The following SKAP1 variants were observed in gnomAD, a reference collection of about 807,000 sequenced individuals.
SKAP1 encodes the protein src kinase-associated phosphoprotein 1.
A neutral mutation model predicts 58.5 loss-of-function variants in SKAP1; 44 were observed. The ratio of observed to expected loss-of-function variants is 0.75; its 90% confidence interval spans 0.59 to 0.97. The LOEUF (loss-of-function observed/expected upper bound fraction) is 0.97. Among genes scored for constraint, SKAP1 ranks in the 50% least tolerant of loss-of-function variants. The pLI is 0.00. For synonymous variants in SKAP1, 127 were observed against 149.7 expected, an observed-to-expected ratio of 0.85 and a Z score of 1.11; for missense variants, 390 against 435.2, an observed-to-expected ratio of 0.90 and a Z score of 0.92.
chr17:48,443,607 C>T, the SKAP1 span, among the ~76,000 whole-genome samples: 1 of 152,122 alleles, frequency 6.6e-6, no homozygotes, highest in East Asian at 1.9e-4. Context: ...TTCCGAATAG[C>T]TGAGATTACA....
chr17:48,430,313 G>C (rs1183947024), upstream of SKAP1: 1 of 293,626 alleles, frequency 3.4e-6, no homozygotes, highest in Admixed American at 5.3e-5. Context: ...GCGGGGACCG[G>C]AACGGGGCGC....
At chr17:48,403,771 T>C (rs1181751033) in intron 1 of SKAP1, among the ~76,000 whole-genome samples, 1 of 152,026 alleles carries the variant, frequency 6.6e-6, no homozygotes. Context: ...TGGTGATAAA[T>C]GTCAAACTGC....
At position 48,189,425 on chromosome 17, in the gene SKAP1, T is replaced by C. The variant is rs1256487188; in HGVS notation, c.356A>G (p.Lys119Arg). 6.2e-7 allele frequency: 1 copy of C among 1,611,750 alleles called. No individual in the cohort carries two copies. Among genetic ancestry groups the C allele is most frequent in the Admixed American group, 1.7e-5 (1 of 59,868 alleles). Reference sequence around the variant, plus strand: ...AAATCTGTGGGTCTGACCAATACCTTTGCTTTTCTTCTCCAAGTATCCTTG... The same window carrying C: ...AAATCTGTGGGTCTGACCAATACCTCTGCTTTTCTTCTCCAAGTATCCTTG... ...IKQGYLEKKS[K>R]DHSFFGSEWQ... Residue 119 changes from lysine (K) to arginine (R), a missense_variant and splice_region_variant, in exon 5 of 13, where the codon AAA becomes AGA. Coordinates refer to ENST00000336915, the MANE Select transcript of SKAP1 (RefSeq NM_003726.4).
At chr17:48,401,616 T>A (rs1213740187) in intron 1 of SKAP1, among the ~76,000 whole-genome samples, 2 of 151,592 alleles carry the variant, frequency 1.3e-5, no homozygotes, top group East Asian at 1.9e-4. Context: ...TATAAAAAAA[T>A]TAACTAAAAA....
intron 6 of SKAP1, chr17:48,185,212 T>C: frequency 5.1e-6 from 1 of 194,830 alleles, no homozygotes; most frequent in East Asian, 1.7e-4. Flanking sequence ...AACATTATTA[T>C]CAGGGCCAGC....
At chr17:48,192,432 C>T (rs1352323639) in intron 4 of SKAP1, among the ~76,000 whole-genome samples, 2 of 151,998 alleles carry the variant, frequency 1.3e-5, no homozygotes, top group East Asian at 1.9e-4. Context: ...AATTTAAATG[C>T]CATTTTATGG....
intron 2 of SKAP1, among the ~76,000 whole-genome samples, chr17:48,380,762 T>C (rs1421057621): frequency 6.6e-6 from 1 of 152,250 alleles, no homozygotes; most frequent in East Asian, 1.9e-4. Context: ...TCCAGTTGTT[T>C]GGACCTTGGA....
chr17:48,228,940 A>G (rs1233891304), intron 4 of SKAP1, among the ~76,000 whole-genome samples: 2 of 152,142 alleles, frequency 1.3e-5, no homozygotes, highest in Admixed American at 6.5e-5. Flanking sequence ...GTGGGGTAAG[A>G]GCTGGGGCAG....
intron 4 of SKAP1, among the ~76,000 whole-genome samples, chr17:48,258,520 C>A (rs1408936529): frequency 6.6e-6 from 1 of 152,036 alleles, no homozygotes; most frequent in Admixed American, 6.6e-5. Context: ...TGCATGTTAA[C>A]AAGATTTATA....
intron 1 of SKAP1, among the ~76,000 whole-genome samples, chr17:48,399,257 T>C (rs2067463456): frequency 6.6e-6 from 1 of 151,924 alleles, no homozygotes; most frequent in South Asian, 2.1e-4. Flanking sequence ...CAAAAATAAA[T>C]GACATCTAAG....
intron 1 of SKAP1, among the ~76,000 whole-genome samples, chr17:48,420,360 AG>A (rs1598683986): frequency 1.3e-5 from 2 of 152,234 alleles, no homozygotes; most frequent in African/African-American, 4.8e-5. Context: ...TCTTAGGGAA[AG>A]AACTGTCATT....
chr17:48,395,325 T>G (rs1347998886), intron 2 of SKAP1, among the ~76,000 whole-genome samples: 3 of 152,212 alleles, frequency 2.0e-5, no homozygotes, highest in African/African-American at 4.8e-5. Flanking sequence ...CATTGTGTAT[T>G]TGTACCCACA....
At chr17:48,351,892 A>G (rs571060851) in intron 3 of SKAP1, among the ~76,000 whole-genome samples, 5 of 152,284 alleles carry the variant, frequency 3.3e-5, no homozygotes, top group Admixed American at 6.5e-5. Context: ...AGAATGAACT[A>G]TATCTGTCAG....
At chr17:48,380,789 A>C (rs2067204802) in intron 2 of SKAP1, among the ~76,000 whole-genome samples, 1 of 152,252 alleles carries the variant, frequency 6.6e-6, no homozygotes, top group South Asian at 2.1e-4. Flanking sequence ...TTTCCTAATG[A>C]AACAAAGTTG....
chr17:48,224,594 T>C (rs1267646237), intron 4 of SKAP1, among the ~76,000 whole-genome samples: 1 of 152,244 alleles, frequency 6.6e-6, no homozygotes, highest in East Asian at 1.9e-4. Flanking sequence ...GTTCTTGTCT[T>C]AGATTCTTTC....
intron 2 of SKAP1, among the ~76,000 whole-genome samples, chr17:48,396,002 GA>G (rs2067413817): frequency 6.6e-6 from 1 of 152,180 alleles, no homozygotes. Flanking sequence ...CACCAGGTTT[GA>G]AAAGGCTAAA....
At chr17:48,235,847 A>G (rs1394515931) in intron 4 of SKAP1, among the ~76,000 whole-genome samples, 1 of 152,182 alleles carries the variant, frequency 6.6e-6, no homozygotes, top group African/African-American at 2.4e-5. Flanking sequence ...TCAGGAGCCT[A>G]TAGTCAAATA....
chr17:48,268,723 C>A, intron 4 of SKAP1, among the ~76,000 whole-genome samples: 1 of 152,058 alleles, frequency 6.6e-6, no homozygotes, highest in Non-Finnish European at 1.5e-5. Context: ...AACTCCTGAT[C>A]TCAAATGATC....
At chr17:48,406,542 T>C (rs551816234) in intron 1 of SKAP1, among the ~76,000 whole-genome samples, 1 of 150,732 alleles carries the variant, frequency 6.6e-6, no homozygotes, top group African/African-American at 2.4e-5. Context: ...TAGCCGGGAC[T>C]AAAGGCTCAT....
Sources: gnomAD v4.1 joint callset for allele counts (sites outside exome capture counted in the v4.1 genomes callset) on GRCh38, gnomAD v4.1.1 for gene constraint, MANE v1.5 for transcripts, NCBI Gene and HGNC (gene_info 2026-07-23, HGNC 2026-07-21) for gene names.